The following SCYL3 variants were observed in gnomAD, a reference collection of about 807,000 sequenced individuals.
SCYL3 encodes protein-associating with the carboxyl-terminal domain of ezrin.
A neutral mutation model predicts 73.8 loss-of-function variants in SCYL3; 35 were observed. That is an observed-to-expected ratio of 0.47 (90% CI 0.36 to 0.63). The LOEUF (loss-of-function observed/expected upper bound fraction) is 0.63. SCYL3 is among the 20% of genes least tolerant of loss of function. The probability of loss-of-function intolerance (pLI) is 0.00; values close to 1 mark genes in which losing one functional copy is unlikely to be tolerated. For missense variants in SCYL3, 712 were observed against 798.9 expected (o/e 0.89, Z 1.31); for synonymous variants, 277 against 295.2 (o/e 0.94, Z 0.63).
At chr1:169,865,775 T>G (rs899560844) in intron 8 of SCYL3, among the ~76,000 whole-genome samples, 1 of 152,194 alleles carries the variant, frequency 6.6e-6, no homozygotes, top group African/African-American at 2.4e-5. Context: ...AATGAACAGG[T>G]ACCTGTTCGT....
rs1228252656 is a variant in SCYL3 at position 169,870,342 on chromosome 1, T to C, written c.538A>G (p.Thr180Ala). The C allele has an allele frequency of 6.2e-7, 1 of 1,610,932 alleles. No individual in the cohort carries two copies. Among genetic ancestry groups the C allele is most frequent in the African/African-American group, 1.3e-5 (1 of 74,698 alleles). ...GCATGTCCATGACACTCTGGGAGAG[T>C]TGTGAATTCTGGAGACTAAAAGCAG... Reference protein sequence around the residue: ...PPEEMSPEFTTLPECHGHARD... With the variant: ...PPEEMSPEFTALPECHGHARD... Residue 180 changes from threonine to alanine, a missense_variant, in exon 6 of 13, where the codon ACT becomes GCT. Coordinates refer to ENST00000367771, the MANE Select transcript of SCYL3 (RefSeq NM_020423.7).
intron 2 of SCYL3, among the ~76,000 whole-genome samples, chr1:169,886,336 G>C (rs981168053): frequency 6.6e-6 from 1 of 152,064 alleles, no homozygotes; most frequent in South Asian, 2.1e-4. Context: ...TATGAGAGAG[G>C]AGAACAGCTT....
chr1:169,873,151 A>G (rs10737551), intron 5 of SCYL3, among the ~76,000 whole-genome samples: 97,071 of 151,958 alleles, frequency 0.64, 31,423 homozygotes, highest in Middle Eastern at 0.77. Context: ...GCAGGAATTC[A>G]GTGGGAGGTG....
intron 1 of SCYL3, among the ~76,000 whole-genome samples, chr1:169,889,158 G>A (rs1571464428): frequency 6.6e-6 from 1 of 152,228 alleles, no homozygotes; most frequent in Non-Finnish European, 1.5e-5. Flanking sequence ...TTTCAGAGTG[G>A]AAAGGCAATC....
chr1:169,863,240 CCAAAG>C (rs1270724626), intron 9 of SCYL3, among the ~76,000 whole-genome samples: 8 of 152,106 alleles, frequency 5.3e-5, no homozygotes, highest in African/African-American at 1.9e-4. Context: ...ATGCTCCAAA[CCAAAG>C]CAAAGTTCTT....
At chr1:169,861,309 T>G (rs1179928977) in intron 10 of SCYL3, among the ~76,000 whole-genome samples, 1 of 152,128 alleles carries the variant, frequency 6.6e-6, no homozygotes, top group Non-Finnish European at 1.5e-5. Context: ...TAAGAAGGCT[T>G]CTTTTGCCCT....
intron 2 of SCYL3, among the ~76,000 whole-genome samples, chr1:169,880,454 C>A (rs181025202): frequency 2.1e-5 from 2 of 93,460 alleles, no homozygotes. Context: ...TAAACAACTG[C>A]AGACTTCTCA....
intron 6 of SCYL3, 39 bp from the exon 7 acceptor site, chr1:169,869,078 C>G (rs1428322346): frequency 1.3e-6 from 2 of 1,539,592 alleles, no homozygotes; most frequent in Admixed American, 3.4e-5. Flanking sequence ...AATGCCTTCT[C>G]CCTCTTTTCA....
intron 12 of SCYL3, 139 bp downstream of exon 12, chr1:169,854,131 A>T (rs1658862522): frequency 1.5e-6 from 1 of 666,348 alleles, no homozygotes; most frequent in Non-Finnish European, 2.4e-6. Context: ...TACCAATGAT[A>T]GAAACTGATT....
rs1434370002 is a variant in SCYL3, at chr1:169,852,266, T to TC, written c.*1446dup. The TC allele has an allele frequency of 2.9e-6, 1 of 345,766 alleles. No individual in the cohort carries two copies. The highest frequency in any genetic ancestry group is 2.1e-5 in the African/African-American group (1 of 46,522). The allele number at this position is 345,766 out of a possible 1,614,324, so 21.4% of individuals were successfully genotyped here. On this transcript the variant is annotated 3_prime_UTR_variant, in exon 13 of 13. Transcript: ENST00000367771. Reference sequence around the variant, plus strand: ...CTTACTCCTAAATGTTTAGTTTGATTCCTTGCCTTATTAATCAAATGAGTC... The same window carrying TC: ...CTTACTCCTAAATGTTTAGTTTGATTCCCTTGCCTTATTAATCAAATGAGTC...
At chr1:169,888,611 A>T (rs146041387) in intron 2 of SCYL3, 65 bp downstream of exon 2, 15 of 1,343,806 alleles carry the variant, frequency 1.1e-5, no homozygotes, top group Non-Finnish European at 1.4e-5. Context: ...CTAATTTCAT[A>T]TTTTTTTAAA....
intron 1 of SCYL3, among the ~76,000 whole-genome samples, chr1:169,890,495 C>A (rs533921256): frequency 6.6e-6 from 1 of 152,066 alleles, no homozygotes; most frequent in African/African-American, 2.4e-5. Flanking sequence ...ACACATTGAC[C>A]CTCTACTTGG....
At chr1:169,857,484 G>A (rs1334141853) in intron 11 of SCYL3, among the ~76,000 whole-genome samples, 1 of 152,184 alleles carries the variant, frequency 6.6e-6, no homozygotes, top group Non-Finnish European at 1.5e-5. Context: ...AAATATGGGG[G>A]ACCAACTGGA....
chr1:169,860,054 AAAT>A (rs1659501495), intron 10 of SCYL3: 2 of 149,176 alleles, frequency 1.3e-5, no homozygotes, highest in African/African-American at 2.5e-5. Context: ...CCCATCTCTA[AAAT>A]AATTTTTTTT....
At chr1:169,878,555 T>C (rs1661016177) in intron 3 of SCYL3, 79 bp downstream of exon 3, 5 of 1,175,052 alleles carry the variant, frequency 4.3e-6, no homozygotes, top group Non-Finnish European at 6.0e-6. Flanking sequence ...CACCATAATT[T>C]ATAAGTATTA....
At position 169,852,745 on chromosome 1, in the gene SCYL3, A is replaced by G. The variant is rs769269718; in HGVS notation, c.*968T>C. 1.3e-6 allele frequency: 2 copies of G among 1,582,620 alleles called. No homozygotes were observed. Among genetic ancestry groups the G allele is most frequent in the Non-Finnish European group, 1.7e-6 (2 of 1,157,206 alleles). On this transcript the variant is annotated 3_prime_UTR_variant, in exon 13 of 13. Coordinates refer to ENST00000367771, the MANE Select transcript of SCYL3 (RefSeq NM_020423.7). ...CTCCAGTCCAAAAGGAAGGTTCTTT[A>G]TATTTAGAATGGATATTGTGATATT...
In SCYL3 at chr1:169,849,781, G is replaced by A; in HGVS notation, c.*3932C>T. Reference sequence around the variant, plus strand: ...TTCTCAAAATGAGGCTTAGATAAATGAAGTGAATTTCGTAAGGTCCTCTGA... The same window carrying A: ...TTCTCAAAATGAGGCTTAGATAAATAAAGTGAATTTCGTAAGGTCCTCTGA... On this transcript the variant is annotated 3_prime_UTR_variant, in exon 13 of 13. Transcript: ENST00000367771. 1 of 593,584 alleles carries A rather than the reference G, an allele frequency of 1.7e-6. No individual in the cohort carries two copies. The highest frequency in any genetic ancestry group is 3.0e-6 in the Non-Finnish European group (1 of 337,716). 36.8% of individuals were successfully genotyped at this position (593,584 alleles called of 1,614,324 possible). A position where few individuals can be genotyped will look rare whatever the true frequency, so the allele number is the denominator to read the frequency against.
rs1661252381 is a variant in SCYL3 at position 169,881,458 on chromosome 1, T to G, written c.166-2639A>C. Among the ~76,000 whole-genome samples the G allele has an allele frequency of 1.3e-5, 2 of 152,238 alleles. 1 individual carries two copies. Among genetic ancestry groups the G allele is most frequent in the South Asian group, 4.1e-4 (2 of 4,832 alleles). On this transcript the variant is annotated intron_variant, in intron 2 of 12. Transcript: ENST00000367771. ...AACATTAGAATTAGTCTCTTCTAGTTATGTAAAAATATACAATCGATTACT... is the reference window on the plus strand; with the variant it reads ...AACATTAGAATTAGTCTCTTCTAGTGATGTAAAAATATACAATCGATTACT...
At chr1:169,871,542 G>C (rs907467794) in intron 5 of SCYL3, among the ~76,000 whole-genome samples, 1 of 152,180 alleles carries the variant, frequency 6.6e-6, no homozygotes, top group African/African-American at 2.4e-5. Context: ...AGTAGAGTGG[G>C]GCGTTGCTGA....
Sources: gnomAD v4.1 joint callset for allele counts (sites outside exome capture counted in the v4.1 genomes callset) on GRCh38, gnomAD v4.1.1 for gene constraint, MANE v1.5 for transcripts, NCBI Gene and HGNC (gene_info 2026-07-23, HGNC 2026-07-21) for gene names.